Variants in TRAPPC9 observed in about 807,000 individuals in gnomAD.
TRAPPC9 encodes the protein trafficking protein particle complex subunit 9, also known as IKK2 binding protein.
Under a neutral mutation model 124.0 loss-of-function variants are expected in TRAPPC9, and 83 were observed. The ratio of observed to expected loss-of-function variants is 0.67; its 90% CI spans 0.56 to 0.80. TRAPPC9 has a LOEUF of 0.80. Ranked by LOEUF, TRAPPC9 falls within the 30% of genes least tolerant of loss-of-function variation. TRAPPC9 has a pLI of 0.00. For missense variants in TRAPPC9, 1,302 were observed against 1,508.3 expected (o/e 0.86, Z 2.27); for synonymous variants, 638 against 617.5 (o/e 1.03, Z -0.49).
intron 17 of TRAPPC9, among the ~76,000 whole-genome samples, chr8:140,116,822 T>C (rs963023723): frequency 2.0e-5 from 2 of 98,928 alleles, no homozygotes; most frequent in Non-Finnish European, 5.2e-5. Context: ...TGGGGCTGAA[T>C]AGGCGGAGTT....
chr8:140,437,685 C>G (rs926586416), intron 3 of TRAPPC9, among the ~76,000 whole-genome samples: 3 of 152,226 alleles, frequency 2.0e-5, no homozygotes, highest in African/African-American at 7.2e-5. Context: ...ACTTCTGTTA[C>G]AGAACTCACC....
intron 7 of TRAPPC9, among the ~76,000 whole-genome samples, chr8:140,387,075 C>G (rs1310830647): frequency 2.6e-5 from 4 of 152,096 alleles, no homozygotes; most frequent in Non-Finnish European, 4.4e-5. Flanking sequence ...GAAAGGATTC[C>G]CTATTTAACA....
chr8:140,362,914 G>A (rs565575958), intron 8 of TRAPPC9, among the ~76,000 whole-genome samples: 4 of 152,262 alleles, frequency 2.6e-5, no homozygotes, highest in East Asian at 3.9e-4. Flanking sequence ...GAGTAAGACC[G>A]AGTATACATT....
At chr8:140,231,502 T>TC in intron 16 of TRAPPC9, among the ~76,000 whole-genome samples, 1 of 132,342 alleles carries the variant, frequency 7.6e-6, no homozygotes, top group East Asian at 2.1e-4. Context: ...TTTTTTTTTT[T>TC]TTTTTTTTGA....
In TRAPPC9 at chr8:140,390,680, T is replaced by C. The variant is rs182836361; in HGVS notation, c.1134+6940A>G. Among the ~76,000 whole-genome samples the C allele has an allele frequency of 9.1e-4, 139 of 152,364 alleles. 1 individual carries two copies. In the East Asian group the frequency reaches 0.02, roughly 22 times the overall value. ...TTGCTCATATCTCTGCAGCTTTGAC[T>C]GCTCACTCAAGAGAGATTTCCTTAT... On this transcript the variant is annotated intron_variant, in intron 7 of 22. Transcript: ENST00000438773.
intron 17 of TRAPPC9, among the ~76,000 whole-genome samples, chr8:140,079,391 T>C (rs1587661129): frequency 6.6e-6 from 1 of 152,160 alleles, no homozygotes; most frequent in East Asian, 1.9e-4. Context: ...TGTTTGAATT[T>C]GGCAAGTTCC....
intron 7 of TRAPPC9, among the ~76,000 whole-genome samples, chr8:140,371,702 G>T (rs1165359811): frequency 6.6e-6 from 1 of 151,592 alleles, no homozygotes; most frequent in Non-Finnish European, 1.5e-5. Context: ...CATAACTTCT[G>T]TTTCTTTTCT....
intron 17 of TRAPPC9, among the ~76,000 whole-genome samples, chr8:140,172,547 G>T (rs1478374635): frequency 3.3e-5 from 5 of 151,798 alleles, no homozygotes. Context: ...GTGGACAGGG[G>T]GTTAAACTAC....
chr8:140,191,112 T>C (rs1443294351), intron 17 of TRAPPC9, among the ~76,000 whole-genome samples: 1 of 152,186 alleles, frequency 6.6e-6, no homozygotes. Flanking sequence ...CACAAGTGCA[T>C]TCGCTCAGGC....
chr8:140,426,162 T>C (rs894465781), intron 5 of TRAPPC9, among the ~76,000 whole-genome samples: 2 of 152,206 alleles, frequency 1.3e-5, no homozygotes, highest in African/African-American at 4.8e-5. Context: ...ACAGAAGATA[T>C]TACAAGGGGA....
intron 21 of TRAPPC9, among the ~76,000 whole-genome samples, chr8:139,807,644 A>G (rs1302705709): frequency 6.6e-6 from 1 of 152,178 alleles, no homozygotes; most frequent in East Asian, 1.9e-4. Context: ...CGGGTCCTCC[A>G]CAAAAGGTGG....
In TRAPPC9 at chr8:140,252,695, A is replaced by C; in HGVS notation, c.2431+82T>G. 2 of 1,536,750 alleles carry C rather than the reference A, an allele frequency of 1.3e-6. No individual in the cohort carries two copies. The highest frequency in any genetic ancestry group is 3.4e-5 in the Admixed American group (2 of 59,668). Reference sequence around the variant, plus strand: ...GAATGACAAGTGAGTTACAAACAGCAAACAGCAGGCATCAAGGGATGGGGG... The same window carrying C: ...GAATGACAAGTGAGTTACAAACAGCCAACAGCAGGCATCAAGGGATGGGGG... On this transcript the variant is annotated intron_variant, in intron 16 of 22. Transcript: ENST00000438773. The surrounding 1 kb of genome is among the most constrained non-coding windows in gnomAD (Gnocchi z 4.2).
intron 17 of TRAPPC9, among the ~76,000 whole-genome samples, chr8:140,172,222 C>T (rs181429963): frequency 6.6e-6 from 1 of 152,296 alleles, no homozygotes; most frequent in African/African-American, 2.4e-5. Flanking sequence ...AAACAGAGCA[C>T]TCTGAGCACA....
intron 16 of TRAPPC9, among the ~76,000 whole-genome samples, chr8:140,235,447 T>C (rs1250905303): frequency 6.6e-6 from 1 of 152,180 alleles, no homozygotes; most frequent in African/African-American, 2.4e-5. Flanking sequence ...TATAAATCAG[T>C]TGGAAGGTAA....
At chr8:140,289,684 C>G (rs1361996892) in intron 12 of TRAPPC9, among the ~76,000 whole-genome samples, 1 of 149,522 alleles carries the variant, frequency 6.7e-6, no homozygotes, top group Admixed American at 6.6e-5. Context: ...ATTTTAAGAC[C>G]AAAAAAAAAA....
chr8:140,309,056 G>A (rs570008958), intron 10 of TRAPPC9, among the ~76,000 whole-genome samples: 5 of 152,206 alleles, frequency 3.3e-5, no homozygotes, highest in South Asian at 2.1e-4. Context: ...CAGAAGGTTC[G>A]GAAAACAGCA....
chr8:139,820,763 A>G (rs1825203100), intron 21 of TRAPPC9, among the ~76,000 whole-genome samples: 1 of 152,262 alleles, frequency 6.6e-6, no homozygotes, highest in South Asian at 2.1e-4. Context: ...AGAACTAAAT[A>G]TATTACAAAG....
intron 9 of TRAPPC9, among the ~76,000 whole-genome samples, chr8:140,358,698 G>C (rs1286624642): frequency 6.6e-6 from 1 of 152,220 alleles, no homozygotes; most frequent in Non-Finnish European, 1.5e-5. Flanking sequence ...CAGGACATGA[G>C]ACTGAGGGAG....
intron 16 of TRAPPC9, among the ~76,000 whole-genome samples, chr8:140,232,154 G>A (rs569224444): frequency 3.3e-5 from 5 of 152,014 alleles, no homozygotes; most frequent in African/African-American, 1.2e-4. Context: ...CTAGGCTCAA[G>A]CTCAAACTCC....
Sources: allele counts gnomAD v4.1 joint callset (sites outside exome capture counted in the v4.1 genomes callset), GRCh38; gene constraint gnomAD v4.1.1; non-coding constraint Gnocchi (gnomAD v3.1); transcripts MANE v1.5; gene names NCBI Gene and HGNC (gene_info 2026-07-23, HGNC 2026-07-21).